The following STAU2 variants were observed in gnomAD, a reference collection of about 807,000 sequenced individuals.
STAU2 encodes double-stranded RNA-binding protein Staufen homolog 2.
STAU2 carries 20 observed loss-of-function variants against 65.9 expected under a neutral mutation model. The observed-to-expected ratio is 0.30, with a 90% confidence interval of 0.21 to 0.44. STAU2 has a LOEUF of 0.44. Ranked by LOEUF, STAU2 falls within the 20% of genes least tolerant of loss-of-function variation. The probability of loss-of-function intolerance (pLI) is 1.00; values close to 1 mark genes in which losing one functional copy is unlikely to be tolerated. For missense variants in STAU2, 558 were observed against 683.9 expected, an observed-to-expected ratio of 0.82 and a Z score of 2.05; for synonymous variants, 232 against 233.9, an observed-to-expected ratio of 0.99 and a Z score of 0.07.
intron 3 of STAU2, among the ~76,000 whole-genome samples, chr8:73,710,015 G>GT (rs1820784811): frequency 6.6e-6 from 1 of 151,884 alleles, no homozygotes; most frequent in East Asian, 1.9e-4. Context: ...TATTGCACCA[G>GT]TTTTTTTATC....
intron 4 of STAU2, among the ~76,000 whole-genome samples, chr8:73,693,647 G>A (rs1366912777): frequency 6.6e-6 from 1 of 152,110 alleles, no homozygotes; most frequent in Non-Finnish European, 1.5e-5. Context: ...GTATTTCCAA[G>A]GCAATCCTAT....
At chr8:73,512,248 A>G (rs556047921) in intron 13 of STAU2, among the ~76,000 whole-genome samples, 1 of 152,244 alleles carries the variant, frequency 6.6e-6, no homozygotes, top group South Asian at 2.1e-4. Context: ...GCATTTCCAT[A>G]CACATTTTAA....
At chr8:73,712,765 G>T (rs1432234238) in intron 3 of STAU2, among the ~76,000 whole-genome samples, 1 of 152,090 alleles carries the variant, frequency 6.6e-6, no homozygotes, top group East Asian at 1.9e-4. Context: ...GAACAGCCTG[G>T]ACAACATAGC....
chr8:73,507,945 T>G (rs959950744), intron 13 of STAU2, among the ~76,000 whole-genome samples: 2 of 152,164 alleles, frequency 1.3e-5, no homozygotes, highest in Non-Finnish European at 2.9e-5. Flanking sequence ...CTTTCTCACC[T>G]CCCTCAGTCT....
At chr8:73,665,175 A>T (rs551406853) in intron 6 of STAU2, among the ~76,000 whole-genome samples, 16 of 152,250 alleles carry the variant, frequency 1.1e-4, no homozygotes, top group African/African-American at 3.9e-4. Flanking sequence ...ATAAAAAAAA[A>T]TCCTAATTTA....
At chr8:73,525,320 G>A (rs1028696539) in intron 13 of STAU2, among the ~76,000 whole-genome samples, 3 of 152,146 alleles carry the variant, frequency 2.0e-5, no homozygotes, top group Admixed American at 6.5e-5. Context: ...ATGTACAGTC[G>A]TGCAGGTGTA....
chr8:73,627,231 G>GGGGGGGGGGGGGGGGGGC, intron 6 of STAU2, among the ~76,000 whole-genome samples: 1 of 27,254 alleles, frequency 3.7e-5, no homozygotes, highest in East Asian at 1.2e-3. Context: ...GGAGGGGGGG[G>GGGGGGGGGGGGGGGGGGC]CAGGAGGGCG....
chr8:73,737,906 A>T lies in STAU2; in HGVS notation c.-18+378T>A, dbSNP rs1211245247. Among the ~76,000 whole-genome samples the T allele has an allele frequency of 2.0e-5, 3 of 152,096 alleles. No homozygotes were observed. The East Asian group carries it at 5.8e-4, about 29-fold the overall frequency. On this transcript the variant is annotated intron_variant, in intron 3 of 14. Transcript: ENST00000524300. ...CCCTGGAAAGTGAACTTTAAAAAAA[A>T]AAAAAAAACAGATACAACTACTTCA...
At chr8:73,571,052 T>C (rs912357016) in intron 12 of STAU2, among the ~76,000 whole-genome samples, 2 of 151,990 alleles carry the variant, frequency 1.3e-5, no homozygotes, top group Non-Finnish European at 2.9e-5. Flanking sequence ...TGGAGGAAGA[T>C]CTACCAAGCA....
intron 12 of STAU2, among the ~76,000 whole-genome samples, chr8:73,573,959 G>A (rs1809313996): frequency 6.6e-6 from 1 of 152,124 alleles, no homozygotes; most frequent in Admixed American, 6.5e-5. Context: ...CCATCAGAGT[G>A]AACAGGCAAC....
chr8:73,666,596 G>A (rs768986393), intron 6 of STAU2, among the ~76,000 whole-genome samples: 8 of 152,160 alleles, frequency 5.3e-5, no homozygotes, highest in Non-Finnish European at 1.2e-4. Flanking sequence ...TATATTAAAA[G>A]AAAATAACTT....
intron 13 of STAU2, among the ~76,000 whole-genome samples, chr8:73,438,014 C>T (rs550795217): frequency 2.8e-4 from 43 of 152,292 alleles, no homozygotes; most frequent in South Asian, 1.5e-3. Flanking sequence ...CAGGGATTCC[C>T]GCTGGCTAGT....
chr8:73,531,328 A>G (rs1262349659), intron 13 of STAU2, among the ~76,000 whole-genome samples: 1 of 152,194 alleles, frequency 6.6e-6, no homozygotes, highest in East Asian at 1.9e-4. Flanking sequence ...ACAAAGGAAC[A>G]TGAATGGGAG....
At chr8:73,436,857 G>C (rs1385296434) in intron 13 of STAU2, among the ~76,000 whole-genome samples, 2 of 152,062 alleles carry the variant, frequency 1.3e-5, no homozygotes, top group South Asian at 2.1e-4. Context: ...AAAGTGCTGG[G>C]ATTACAGGTG....
chr8:73,506,771 T>C (rs897022084), intron 13 of STAU2, among the ~76,000 whole-genome samples: 3 of 152,204 alleles, frequency 2.0e-5, no homozygotes, highest in African/African-American at 7.2e-5. Flanking sequence ...TTACCCACAG[T>C]AGAAATGTCT....
chr8:73,629,338 A>T (rs192015758), intron 6 of STAU2, among the ~76,000 whole-genome samples: 3 of 152,210 alleles, frequency 2.0e-5, no homozygotes, highest in Non-Finnish European at 4.4e-5. Flanking sequence ...GCTCCAACAC[A>T]TCATAAAAAT....
At chr8:73,658,459 T>C (rs1057429387) in intron 6 of STAU2, among the ~76,000 whole-genome samples, 1 of 152,238 alleles carries the variant, frequency 6.6e-6, no homozygotes, top group South Asian at 2.1e-4. Flanking sequence ...GTAATCAACA[T>C]AAAAACAAAG....
chr8:73,552,883 A>G (rs113830219), intron 12 of STAU2, among the ~76,000 whole-genome samples: 10,817 of 152,162 alleles, frequency 0.071, 1,023 homozygotes, highest in African/African-American at 0.22. Flanking sequence ...CAAAACTAGC[A>G]CTGTCTCTAA....
At chr8:73,525,162 CCAT>C (rs1282466460) in intron 13 of STAU2, among the ~76,000 whole-genome samples, 2 of 152,278 alleles carry the variant, frequency 1.3e-5, no homozygotes, top group South Asian at 2.1e-4. Flanking sequence ...ACCAATGTGA[CCAT>C]CATCAACACA....
Sources: gnomAD v4.1 joint callset for allele counts (sites outside exome capture counted in the v4.1 genomes callset) on GRCh38, gnomAD v4.1.1 for gene constraint, MANE v1.5 for transcripts, NCBI Gene and HGNC (gene_info 2026-07-23, HGNC 2026-07-21) for gene names.